ZGRF1: variants seen among roughly 807,000 people sequenced by gnomAD.
ZGRF1 encodes the protein zinc finger GRF-type containing 1, also known as 5'-3' DNA helicase ZGRF1.
ZGRF1 carries 196 observed loss-of-function variants against 203.5 expected under a neutral mutation model. The observed-to-expected ratio is 0.96, with a 90% confidence interval of 0.86 to 1.08. The LOEUF (loss-of-function observed/expected upper bound fraction) is 1.08. ZGRF1 is among the 50% of genes least tolerant of loss of function. The pLI is 0.00. For missense variants in ZGRF1, 2,326 were observed against 2,416.3 expected, an observed-to-expected ratio of 0.96 and a Z score of 0.78; for synonymous variants, 809 against 841.3, an observed-to-expected ratio of 0.96 and a Z score of 0.66.
Position 112,617,931 on chromosome 4 carries a change from A to T in ZGRF1, c.2111T>A (p.Leu704Gln), listed in dbSNP as rs776570878. ...CTGAGGTTGAGCATCTTCTGAAAAT[A>T]GATTACTGTTTTCAGCAATCTGGTT... is the stretch of plus-strand genomic sequence containing the variant. ...IQNQIAENSN[L>Q]FSEDAQPQPF... The change falls in exon 6 of 28, where the codon CTA (leucine) becomes CAA (glutamine). Residue 704 changes from leucine to glutamine, a missense_variant. Transcript: ENST00000505019. 3 of 1,613,650 alleles carry T rather than the reference A, an allele frequency of 1.9e-6. No individual in the cohort carries two copies. The Admixed American group carries it at 5.0e-5, about 27-fold the overall frequency.
At position 112,539,537 on chromosome 4, in the gene ZGRF1, C is replaced by T. The variant is rs1470977707; in HGVS notation, c.*10G>A. The T allele has an allele frequency of 8.1e-7, 1 of 1,227,684 alleles. No homozygotes were observed. Among genetic ancestry groups the T allele is most frequent in the Non-Finnish European group, 1.2e-6 (1 of 861,412 alleles). The allele number at this position is 1,227,684 out of a possible 1,614,324, so 76.0% of individuals were successfully genotyped here. A position where few individuals can be genotyped will look rare whatever the true frequency, so the allele number is the denominator to read the frequency against. On this transcript the variant is annotated 3_prime_UTR_variant, in exon 28 of 28. Transcript: ENST00000505019. ...TTTACATAAATACAAAATATTTACA[C>T]CATGTCTTTTTATGAATGAGATTTA... is the stretch of plus-strand genomic sequence containing the variant.
chr4:112,609,006 T>A (rs943562168), intron 8 of ZGRF1, among the ~76,000 whole-genome samples: 3 of 152,068 alleles, frequency 2.0e-5, no homozygotes, highest in African/African-American at 7.2e-5. Flanking sequence ...TAGATGTATT[T>A]ATTAACTTAA....
intron 4 of ZGRF1, among the ~76,000 whole-genome samples, chr4:112,620,817 T>A (rs1377906593): frequency 6.7e-6 from 1 of 149,462 alleles, no homozygotes; most frequent in African/African-American, 2.5e-5. Context: ...TGAGCAGTTT[T>A]CACACCACTG....
At chr4:112,632,264 A>C (rs1263101424) in intron 2 of ZGRF1, among the ~76,000 whole-genome samples, 1 of 152,050 alleles carries the variant, frequency 6.6e-6, no homozygotes, top group Non-Finnish European at 1.5e-5. Flanking sequence ...ATAGGGGAGG[A>C]AATGGCAGGA....
intron 1 of ZGRF1, among the ~76,000 whole-genome samples, chr4:112,633,656 A>G (rs922716634): frequency 6.6e-6 from 1 of 152,164 alleles, no homozygotes; most frequent in African/African-American, 2.4e-5. Flanking sequence ...TAGCATCAAT[A>G]TACCACAGTA....
At chr4:112,572,500 A>G (rs1008120317) in intron 16 of ZGRF1, among the ~76,000 whole-genome samples, 21 of 152,194 alleles carry the variant, frequency 1.4e-4, no homozygotes, top group Non-Finnish European at 1.9e-4. Context: ...AGACTTCATG[A>G]CCAAAAACCC....
chr4:112,597,841 G>A (rs1578401361), intron 10 of ZGRF1, among the ~76,000 whole-genome samples: 1 of 149,850 alleles, frequency 6.7e-6, no homozygotes, highest in Non-Finnish European at 1.5e-5. Context: ...CCGAGATCGT[G>A]CCACTTCACT....
intron 3 of ZGRF1, among the ~76,000 whole-genome samples, chr4:112,631,627 G>A (rs559251622): frequency 1.3e-5 from 2 of 152,206 alleles, no homozygotes; most frequent in Non-Finnish European, 2.9e-5. Context: ...AGCCGAGATC[G>A]TGCCACTGCA....
chr4:112,585,168 G>A (rs1231394533), intron 14 of ZGRF1, among the ~76,000 whole-genome samples: 2 of 152,122 alleles, frequency 1.3e-5, no homozygotes, highest in Admixed American at 1.3e-4. Flanking sequence ...ACTTTGGGAG[G>A]CCAAGGCGGG....
chr4:112,563,042 G>C (rs764205652), intron 17 of ZGRF1, 89 bp downstream of exon 17: 2 of 1,064,370 alleles, frequency 1.9e-6, no homozygotes, highest in Non-Finnish European at 2.7e-6. Flanking sequence ...ACTAGAGTTG[G>C]GTCCTTTTTG....
At chr4:112,545,761 A>G (rs1219300146) in intron 24 of ZGRF1, among the ~76,000 whole-genome samples, 3 of 152,314 alleles carry the variant, frequency 2.0e-5, no homozygotes, top group South Asian at 2.1e-4. Context: ...CACACATGCA[A>G]TGGAATATTA....
In ZGRF1 at chr4:112,617,600, T is replaced by G; in HGVS notation, c.2442A>C (p.Arg814Ser). 6.2e-7 allele frequency: 1 copy of G among 1,613,750 alleles called. No homozygotes were observed. Among genetic ancestry groups the G allele is most frequent in the Non-Finnish European group, 8.5e-7 (1 of 1,179,898 alleles). Reference protein sequence around the residue: ...AREGKQYWNPRNSSELSGLVN... With the variant: ...AREGKQYWNPSNSSELSGLVN... Reference sequence around the variant, plus strand: ...CTAATCCAGAAAGTTCTGAAGAATTTCTAGGATTCCAGTATTGTTTGCCTT... The same window carrying G: ...CTAATCCAGAAAGTTCTGAAGAATTGCTAGGATTCCAGTATTGTTTGCCTT... Residue 814 changes from arginine (R) to serine (S), a missense_variant, in exon 6 of 28, where the codon AGA becomes AGC. By Grantham distance (110) the Arg-to-Ser change is moderately radical. Transcript: ENST00000505019.
At chr4:112,575,016 A>C (rs1485222132) in intron 16 of ZGRF1, among the ~76,000 whole-genome samples, 1 of 151,024 alleles carries the variant, frequency 6.6e-6, no homozygotes, top group African/African-American at 2.4e-5. Context: ...ACAGAGTGAG[A>C]CTCTGTCTCA....
At chr4:112,604,034 C>T (rs921749136) in intron 9 of ZGRF1, among the ~76,000 whole-genome samples, 2 of 152,060 alleles carry the variant, frequency 1.3e-5, no homozygotes, top group African/African-American at 4.8e-5. Context: ...ATCAGCCTGA[C>T]CAACATGGTG....
chr4:112,633,027 C>G (rs1376731147), intron 2 of ZGRF1, 129 bp downstream of exon 2: 12 of 789,624 alleles, frequency 1.5e-5, no homozygotes, highest in Non-Finnish European at 1.1e-5. Context: ...TCAAATTTAA[C>G]TGAGTAGCCT....
intron 10 of ZGRF1, among the ~76,000 whole-genome samples, chr4:112,591,271 G>A (rs925897101): frequency 2.6e-5 from 4 of 152,078 alleles, no homozygotes; most frequent in Non-Finnish European, 5.9e-5. Context: ...GAGCAGTTAA[G>A]CACTTAAATT....
At chr4:112,634,205 G>C (rs528639007) in intron 1 of ZGRF1, among the ~76,000 whole-genome samples, 1 of 152,338 alleles carries the variant, frequency 6.6e-6, no homozygotes, top group East Asian at 1.9e-4. Context: ...AGGAATTTCA[G>C]TATGGCGGGG....
intron 10 of ZGRF1, among the ~76,000 whole-genome samples, chr4:112,590,202 C>T (rs527672923): frequency 2.0e-5 from 3 of 152,278 alleles, no homozygotes; most frequent in African/African-American, 7.2e-5. Flanking sequence ...AATTAGACCT[C>T]ATGTTTACAG....
At chr4:112,580,854 G>A (rs960748029) in intron 16 of ZGRF1, among the ~76,000 whole-genome samples, 1 of 152,146 alleles carries the variant, frequency 6.6e-6, no homozygotes, top group African/African-American at 2.4e-5. Context: ...TTCAACCATT[G>A]TGGAAGTCAG....
Sources: allele counts gnomAD v4.1 joint callset (sites outside exome capture counted in the v4.1 genomes callset), GRCh38; gene constraint gnomAD v4.1.1; transcripts MANE v1.5; gene names NCBI Gene and HGNC (gene_info 2026-07-23, HGNC 2026-07-21).